Variants in SLC25A21 observed in about 807,000 individuals in gnomAD.
The protein encoded by SLC25A21 is solute carrier family 25 member 21.
A neutral mutation model predicts 43.8 loss-of-function variants in SLC25A21; 47 were observed. That is an observed-to-expected ratio of 1.07 (90% CI 0.85 to 1.37). SLC25A21 has a LOEUF of 1.37. Ranked by LOEUF, SLC25A21 falls within the 40% of genes most tolerant of loss-of-function variation. The pLI is 0.00. For synonymous variants in SLC25A21, 131 were observed against 121.3 expected (o/e 1.08, Z -0.52); for missense variants, 352 against 350.2 (o/e 1.00, Z -0.04).
intron 2 of SLC25A21, among the ~76,000 whole-genome samples, chr14:36,821,072 G>A (rs1001203934): frequency 6.6e-6 from 1 of 152,188 alleles, no homozygotes; most frequent in African/African-American, 2.4e-5. Context: ...AGTTGGTTGA[G>A]CATAGCCAAA....
rs373898956 is a variant in SLC25A21 at position 37,105,537 on chromosome 14, C to T, written c.70+66744G>A. 2.5e-4 allele frequency among the ~76,000 whole-genome samples: 38 copies of T among 152,162 alleles called. No individual in the cohort carries two copies. In the South Asian group the frequency reaches 7.9e-3, roughly 32 times the overall value. ...GAGATATGCCTTTCTACATATTTCC[C>T]ATCTTAGAATATGCTTTTTAATTTT... On this transcript the variant is annotated intron_variant, in intron 1 of 9. Transcript: ENST00000331299.
intron 1 of SLC25A21, among the ~76,000 whole-genome samples, chr14:36,881,223 A>G (rs531696628): frequency 1.3e-5 from 2 of 152,298 alleles, no homozygotes; most frequent in East Asian, 1.9e-4. Context: ...AACACAGATA[A>G]TCATTTAAAA....
chr14:36,699,236 T>C (rs1883173866), intron 7 of SLC25A21, among the ~76,000 whole-genome samples: 1 of 152,120 alleles, frequency 6.6e-6, no homozygotes, highest in Non-Finnish European at 1.5e-5. Context: ...CAGACCCTGT[T>C]TGCCTGGGTA....
At position 36,879,514 on chromosome 14, in the gene SLC25A21, A is replaced by C. The variant is rs115808729; in HGVS notation, c.71-4510T>G. ...ATGTCATGTTAGTGAGCATGACTATATCTCTAAGATTTGAATGAAACTGGT... is the reference window on the plus strand; with the variant it reads ...ATGTCATGTTAGTGAGCATGACTATCTCTCTAAGATTTGAATGAAACTGGT... On this transcript the variant is annotated intron_variant, in intron 1 of 9. Transcript: ENST00000331299. 2.6e-5 allele frequency among the ~76,000 whole-genome samples: 4 copies of C among 152,238 alleles called. No homozygotes were observed. The South Asian group carries it at 8.3e-4, about 32-fold the overall frequency.
At chr14:36,741,307 C>T (rs569311111) in intron 3 of SLC25A21, among the ~76,000 whole-genome samples, 1 of 152,210 alleles carries the variant, frequency 6.6e-6, no homozygotes, top group South Asian at 2.1e-4. Context: ...TTGCAGCTCC[C>T]AGTGAGAAAG....
chr14:36,872,156 T>G (rs1313716349), intron 2 of SLC25A21, among the ~76,000 whole-genome samples: 1 of 152,304 alleles, frequency 6.6e-6, no homozygotes, highest in African/African-American at 2.4e-5. Context: ...TATTATTACT[T>G]AAGGAGAAGT....
intron 1 of SLC25A21, among the ~76,000 whole-genome samples, chr14:37,048,795 T>G (rs1377730059): frequency 1.3e-5 from 2 of 152,198 alleles, no homozygotes; most frequent in African/African-American, 2.4e-5. Flanking sequence ...CACTGAACCT[T>G]TTGCAGACTT....
intron 1 of SLC25A21, among the ~76,000 whole-genome samples, chr14:37,147,844 C>CTTTTTTTTTTTTTTT (rs61239254): frequency 1.6e-5 from 2 of 126,252 alleles, no homozygotes; most frequent in Non-Finnish European, 3.2e-5. Context: ...TTTTTCTTTT[C>CTTTTTTTTTTTTTTT]TTTTTTTTTT....
intron 1 of SLC25A21, among the ~76,000 whole-genome samples, chr14:36,982,128 A>AT (rs35534254): frequency 0.14 from 21,980 of 152,036 alleles, 5,293 homozygotes; most frequent in African/African-American, 0.5. Context: ...ATGTGATCTC[A>AT]TTATTTACAA....
chr14:36,710,892 C>T (rs948068357), intron 7 of SLC25A21, among the ~76,000 whole-genome samples: 1 of 152,144 alleles, frequency 6.6e-6, no homozygotes, highest in Non-Finnish European at 1.5e-5. Flanking sequence ...TTTAGGCCAA[C>T]AATTTTTCCT....
chr14:37,130,772 T>C lies in SLC25A21; in HGVS notation c.70+41509A>G, dbSNP rs922415029. Among the ~76,000 whole-genome samples the C allele has an allele frequency of 7.9e-5, 12 of 152,192 alleles. No homozygotes were observed. In the East Asian group the frequency reaches 2.3e-3, roughly 29 times the overall value. On this transcript the variant is annotated intron_variant, in intron 1 of 9. Coordinates refer to ENST00000331299, the MANE Select transcript of SLC25A21 (RefSeq NM_030631.4). ...AAAATTAAGTAGTTTATGGAGCACA[T>C]ACTCTTGAGACATTCCCTTGCTTGA... is the stretch of plus-strand genomic sequence containing the variant.
At chr14:37,124,882 TC>T (rs1035403990) in intron 1 of SLC25A21, among the ~76,000 whole-genome samples, 1 of 152,232 alleles carries the variant, frequency 6.6e-6, no homozygotes, top group African/African-American at 2.4e-5. Context: ...AGATGCCTGC[TC>T]CTGCTTTGCC....
At chr14:36,760,907 G>A (rs192593898) in intron 3 of SLC25A21, among the ~76,000 whole-genome samples, 1 of 151,898 alleles carries the variant, frequency 6.6e-6, no homozygotes, top group East Asian at 1.9e-4. Flanking sequence ...GAGAGAGGAA[G>A]AAAGGAAAGA....
At chr14:37,077,704 T>C (rs548485700) in intron 1 of SLC25A21, among the ~76,000 whole-genome samples, 3 of 152,212 alleles carry the variant, frequency 2.0e-5, no homozygotes, top group Non-Finnish European at 4.4e-5. Flanking sequence ...CTTTTACATA[T>C]GTGTGTATAC....
At chr14:36,939,921 C>A (rs1166831385) in intron 1 of SLC25A21, among the ~76,000 whole-genome samples, 2 of 152,150 alleles carry the variant, frequency 1.3e-5, no homozygotes, top group Non-Finnish European at 2.9e-5. Flanking sequence ...TTTCACATAT[C>A]TGTTTTACAT....
intron 1 of SLC25A21, among the ~76,000 whole-genome samples, chr14:36,991,154 C>T (rs892358832): frequency 6.6e-6 from 1 of 152,146 alleles, no homozygotes; most frequent in Non-Finnish European, 1.5e-5. Context: ...CATCACACAC[C>T]TGACTGCTTT....
intron 3 of SLC25A21, among the ~76,000 whole-genome samples, chr14:36,792,446 A>G (rs1051389707): frequency 6.6e-6 from 1 of 152,186 alleles, no homozygotes; most frequent in Non-Finnish European, 1.5e-5. Flanking sequence ...CCACAGGGGT[A>G]ACTGAAAACC....
intron 1 of SLC25A21, among the ~76,000 whole-genome samples, chr14:37,147,965 G>A (rs1024562732): frequency 2.0e-5 from 3 of 149,516 alleles, no homozygotes; most frequent in Non-Finnish European, 4.4e-5. Flanking sequence ...AGCCTCCCGA[G>A]TAGCAGGGAT....
chr14:36,867,232 T>G (rs916173508), intron 2 of SLC25A21, among the ~76,000 whole-genome samples: 1 of 152,210 alleles, frequency 6.6e-6, no homozygotes, highest in Non-Finnish European at 1.5e-5. Flanking sequence ...TCGCCCACCA[T>G]CCTGTCAAGT....
Sources: allele counts gnomAD v4.1 joint callset (sites outside exome capture counted in the v4.1 genomes callset), GRCh38; gene constraint gnomAD v4.1.1; transcripts MANE v1.5; gene names NCBI Gene and HGNC (gene_info 2026-07-23, HGNC 2026-07-21).